Variants in MEI4 observed in about 807,000 individuals in gnomAD.
The protein encoded by MEI4 is meiosis-specific protein MEI4.
Under a neutral mutation model 31.4 loss-of-function variants are expected in MEI4, and 27 were observed. The observed-to-expected ratio is 0.86, with a 90% CI of 0.63 to 1.19. The LOEUF is 1.19. Ranked by LOEUF, MEI4 falls within the 50% of genes most tolerant of loss-of-function variation. MEI4 has a pLI of 0.00. For missense variants in MEI4, 329 were observed against 398.9 expected, an observed-to-expected ratio of 0.82 and a Z score of 1.49; for synonymous variants, 122 against 145.4, an observed-to-expected ratio of 0.84 and a Z score of 1.16.
At chr6:77,912,888 T>C (rs1276966762) in intron 4 of MEI4, among the ~76,000 whole-genome samples, 1 of 152,150 alleles carries the variant, frequency 6.6e-6, no homozygotes, top group Non-Finnish European at 1.5e-5. Flanking sequence ...CTTGTTCCAG[T>C]AGCAAGAGGA....
rs58946198 is a variant in MEI4, at chr6:77,868,502, C to CATATATATATATATATATATATAT, written c.900+39443_900+39466dup. ...AAAAACTTCCATGTAAAAAATACTACATATATATATATATATATATATATA... is the reference window on the plus strand; with the variant it reads ...AAAAACTTCCATGTAAAAAATACTACATATATATATATATATATATATATATATATATATATATATATATATATA... On this transcript the variant is annotated intron_variant, in intron 4 of 4. Coordinates refer to ENST00000684080, the MANE Select transcript of MEI4 (RefSeq NM_001322247.2). Among the ~76,000 whole-genome samples the CATATATATATATATATATATATAT allele has an allele frequency of 4.0e-3, 357 of 89,968 alleles. 18 individuals carry two copies. The highest frequency in any genetic ancestry group is 8.3e-3 in the Middle Eastern group (1 of 120). The allele number at this position is 89,968 out of a possible 152,430, so 59.0% of individuals were successfully genotyped here.
intron 2 of MEI4, among the ~76,000 whole-genome samples, chr6:77,736,543 C>G (rs1355265849): frequency 2.6e-5 from 4 of 152,088 alleles, no homozygotes; most frequent in Non-Finnish European, 5.9e-5. Context: ...CTGGCACTCC[C>G]TAATGAGATG....
intron 4 of MEI4, among the ~76,000 whole-genome samples, chr6:77,886,392 C>G (rs866203945): frequency 6.6e-6 from 1 of 151,424 alleles, no homozygotes; most frequent in Non-Finnish European, 1.5e-5. Flanking sequence ...GTAGGTTGTA[C>G]GTGTCCAAGA....
At chr6:77,743,563 G>T (rs1452008871) in intron 2 of MEI4, among the ~76,000 whole-genome samples, 5 of 152,162 alleles carry the variant, frequency 3.3e-5, no homozygotes, top group Non-Finnish European at 7.3e-5. Flanking sequence ...CATGTCATCT[G>T]CAAACAGGGA....
intron 4 of MEI4, among the ~76,000 whole-genome samples, chr6:77,834,827 C>G (rs1302014376): frequency 2.0e-5 from 3 of 152,152 alleles, no homozygotes; most frequent in Non-Finnish European, 2.9e-5. Flanking sequence ...CCCCCGCTCT[C>G]CCAAATAGGA....
chr6:77,699,778 T>G (rs1431474705), intron 2 of MEI4, among the ~76,000 whole-genome samples: 2 of 152,154 alleles, frequency 1.3e-5, no homozygotes, highest in Non-Finnish European at 2.9e-5. Flanking sequence ...CGTTTCTGTC[T>G]GTTAGTTTTC....
intron 4 of MEI4, among the ~76,000 whole-genome samples, chr6:77,922,026 G>A (rs1041524353): frequency 6.6e-6 from 1 of 151,668 alleles, no homozygotes; most frequent in Non-Finnish European, 1.5e-5. Context: ...TTTGATGCAG[G>A]GTTGCCACAA....
chr6:77,706,436 A>G lies in MEI4; in HGVS notation c.232+15533A>G, dbSNP rs1035418427. Reference sequence around the variant, plus strand: ...CAATTACATTTCTATATGGCTGTCCATTCTGCATCAAACCTAAGCATAAAA... The same window carrying G: ...CAATTACATTTCTATATGGCTGTCCGTTCTGCATCAAACCTAAGCATAAAA... On this transcript the variant is annotated intron_variant, in intron 2 of 4. Coordinates refer to ENST00000684080, the MANE Select transcript of MEI4 (RefSeq NM_001322247.2). Among the ~76,000 whole-genome samples, 14 of 152,316 alleles carry G rather than the reference A, an allele frequency of 9.2e-5. No individual in the cohort carries two copies. In the South Asian group the frequency reaches 1.2e-3, roughly 14 times the overall value.
chr6:77,789,055 G>C (rs1283312731), intron 3 of MEI4, among the ~76,000 whole-genome samples: 1 of 152,286 alleles, frequency 6.6e-6, no homozygotes. Flanking sequence ...CCAAAGCAGA[G>C]ATGTAGACCA....
At chr6:77,901,601 T>C (rs1766190180) in intron 4 of MEI4, among the ~76,000 whole-genome samples, 1 of 152,086 alleles carries the variant, frequency 6.6e-6, no homozygotes, top group Non-Finnish European at 1.5e-5. Flanking sequence ...TTCTTATATA[T>C]TTTTAATATT....
rs533777092 is a variant in MEI4, at chr6:77,689,672, C to A, written c.-14-986C>A. On this transcript the variant is annotated intron_variant, in intron 1 of 4. Coordinates refer to ENST00000684080, the MANE Select transcript of MEI4 (RefSeq NM_001322247.2). The stretch of plus-strand genomic sequence containing the variant: ...GTACAGGAGTACACTTGGGCTGTAT[C>A]TGGTTGAGTGTGATCCAACCAATAT... Among the ~76,000 whole-genome samples the A allele has an allele frequency of 1.1e-4, 16 of 152,088 alleles. 1 individual carries two copies. In the Middle Eastern group the frequency reaches 0.01, roughly 97 times the overall value.
chr6:77,846,317 TG>T (rs755347722), intron 4 of MEI4, among the ~76,000 whole-genome samples: 4 of 152,144 alleles, frequency 2.6e-5, no homozygotes, highest in Non-Finnish European at 5.9e-5. Flanking sequence ...TCCTTATATA[TG>T]TTTTTTTGTC....
chr6:77,813,148 T>C (rs1392414633), intron 3 of MEI4, among the ~76,000 whole-genome samples: 1 of 152,142 alleles, frequency 6.6e-6, no homozygotes, highest in Non-Finnish European at 1.5e-5. Flanking sequence ...GATCCCAGTA[T>C]TTTTTAACAC....
intron 3 of MEI4, among the ~76,000 whole-genome samples, chr6:77,816,205 A>C (rs1408411346): frequency 1.3e-5 from 2 of 152,124 alleles, no homozygotes; most frequent in Non-Finnish European, 2.9e-5. Flanking sequence ...TATTCTAGAT[A>C]CTGTCTACTC....
chr6:77,712,340 G>T (rs1426021738), intron 2 of MEI4, among the ~76,000 whole-genome samples: 1 of 152,038 alleles, frequency 6.6e-6, no homozygotes, highest in African/African-American at 2.4e-5. Flanking sequence ...AAATAATGGG[G>T]ATATTATCTT....
At chr6:77,795,167 A>G (rs1415980983) in intron 3 of MEI4, among the ~76,000 whole-genome samples, 1 of 152,192 alleles carries the variant, frequency 6.6e-6, no homozygotes, top group Non-Finnish European at 1.5e-5. Context: ...AACTAGAAAA[A>G]GAAGAAACTA....
chr6:77,848,199 A>G (rs1770533570), intron 4 of MEI4, among the ~76,000 whole-genome samples: 2 of 152,200 alleles, frequency 1.3e-5, no homozygotes, highest in South Asian at 4.1e-4. Flanking sequence ...ATTAAAAGAA[A>G]GAAACAGGAA....
intron 4 of MEI4, among the ~76,000 whole-genome samples, chr6:77,846,290 T>C (rs1293998014): frequency 5.3e-5 from 8 of 152,078 alleles, no homozygotes; most frequent in Non-Finnish European, 1.0e-4. Context: ...GTTCATCACA[T>C]TCCATTTTGA....
At chr6:77,914,910 T>C (rs1205702107) in intron 4 of MEI4, among the ~76,000 whole-genome samples, 2 of 152,108 alleles carry the variant, frequency 1.3e-5, no homozygotes, top group Non-Finnish European at 2.9e-5. Flanking sequence ...CATTGAATAT[T>C]TTTTCTATAC....
Sources: allele counts gnomAD v4.1 joint callset (sites outside exome capture counted in the v4.1 genomes callset), GRCh38; gene constraint gnomAD v4.1.1; transcripts MANE v1.5; gene names NCBI Gene and HGNC (gene_info 2026-07-23, HGNC 2026-07-21).